The following GPHN variants were observed in gnomAD, a reference collection of about 807,000 sequenced individuals.
GPHN encodes gephyrin.
A neutral mutation model predicts 95.5 loss-of-function variants in GPHN; 17 were observed. That is an observed-to-expected ratio of 0.18 (90% CI 0.12 to 0.27). GPHN has a LOEUF of 0.27. GPHN is among the 10% of genes least tolerant of loss of function. GPHN has a pLI of 1.00. For missense variants in GPHN, 660 were observed against 978.1 expected (o/e 0.67, Z 4.34); for synonymous variants, 320 against 322.5 (o/e 0.99, Z 0.08).
At chr14:67,281,023 C>G in the GPHN span, among the ~76,000 whole-genome samples, 10 of 151,894 alleles carry the variant, frequency 6.6e-5, no homozygotes, top group Admixed American at 1.3e-4. Flanking sequence ...CTTAGCCTCC[C>G]GAGTGGCTGG....
the GPHN span, chr14:67,646,600 A>T: frequency 4.1e-6 from 6 of 1,476,498 alleles, no homozygotes; most frequent in African/African-American, 7.0e-5. Context: ...TCTTGGTGAG[A>T]ACAAGAATTC....
chr14:67,043,782 T>G (rs1482369723), intron 10 of GPHN, among the ~76,000 whole-genome samples: 1 of 152,202 alleles, frequency 6.6e-6, no homozygotes, highest in Non-Finnish European at 1.5e-5. Flanking sequence ...TTGTTTAGAA[T>G]AGTTTCAGAA....
At chr14:67,325,510 A>C in the GPHN span, among the ~76,000 whole-genome samples, 3 of 152,210 alleles carry the variant, frequency 2.0e-5, no homozygotes, top group Non-Finnish European at 4.4e-5. Context: ...TACAAAGGAA[A>C]TAGGCAGCAT....
the GPHN span, among the ~76,000 whole-genome samples, chr14:67,550,213 A>G: frequency 6.6e-6 from 1 of 151,596 alleles, no homozygotes; most frequent in East Asian, 1.9e-4. Flanking sequence ...TTTTGAGGCA[A>G]AGTCTCACTC....
the GPHN span, among the ~76,000 whole-genome samples, chr14:67,381,209 T>G: frequency 6.6e-6 from 1 of 152,196 alleles, no homozygotes; most frequent in Non-Finnish European, 1.5e-5. Flanking sequence ...AACCTTAACA[T>G]AAACCCGTCC....
At chr14:66,728,893 A>G (rs1020082693) in intron 2 of GPHN, among the ~76,000 whole-genome samples, 64 of 152,232 alleles carry the variant, frequency 4.2e-4, no homozygotes, top group African/African-American at 1.5e-3. Flanking sequence ...GTGGAATGAT[A>G]TGGTTTGGCT....
chr14:66,629,689 A>G (rs1423145757), intron 1 of GPHN, among the ~76,000 whole-genome samples: 3 of 152,170 alleles, frequency 2.0e-5, no homozygotes, highest in African/African-American at 7.2e-5. Flanking sequence ...CAGCATCACC[A>G]CAGTCATGTA....
At chr14:67,138,368 T>C (rs945500972) in intron 17 of GPHN, among the ~76,000 whole-genome samples, 1 of 152,200 alleles carries the variant, frequency 6.6e-6, no homozygotes, top group African/African-American at 2.4e-5. Context: ...GTTTTGTAGT[T>C]TTAGCCTCCT....
At chr14:66,671,222 TTC>T (rs1566793755) in intron 1 of GPHN, among the ~76,000 whole-genome samples, 1 of 152,346 alleles carries the variant, frequency 6.6e-6, no homozygotes, top group South Asian at 2.1e-4. Context: ...ATTTTTAGAA[TTC>T]TGTTAGGTTT....
intron 1 of GPHN, among the ~76,000 whole-genome samples, chr14:66,562,639 G>T (rs565372797): frequency 9.2e-5 from 14 of 152,248 alleles, no homozygotes; most frequent in South Asian, 4.1e-4. Flanking sequence ...AAGACAGGAC[G>T]AAGGAAAGGG....
At chr14:66,642,662 A>G (rs2064490194) in intron 1 of GPHN, among the ~76,000 whole-genome samples, 1 of 151,766 alleles carries the variant, frequency 6.6e-6, no homozygotes, top group Non-Finnish European at 1.5e-5. Context: ...TTGAGCTGCA[A>G]AGTTTGTTCT....
Position 67,018,010 on chromosome 14 carries a change from A to C in GPHN, c.964-5623A>C, listed in dbSNP as rs947709977. On this transcript the variant is annotated intron_variant, in intron 9 of 22. Coordinates refer to ENST00000478722, the MANE Select transcript of GPHN (RefSeq NM_020806.5). ...CTGTACAAAGCAGTGTATTTAATGT[A>C]GTGGGAAATAAAAAGAGGATAAAGT... is the stretch of plus-strand genomic sequence containing the variant. 2.6e-5 allele frequency among the ~76,000 whole-genome samples: 4 copies of C among 152,158 alleles called. 1 individual carries two copies. The highest frequency in any genetic ancestry group is 1.3e-4 in the Admixed American group (2 of 15,280).
chr14:66,554,184 C>A (rs1278733412), intron 1 of GPHN, among the ~76,000 whole-genome samples: 1 of 151,898 alleles, frequency 6.6e-6, no homozygotes, highest in African/African-American at 2.4e-5. Flanking sequence ...CTTATTTGTG[C>A]CAGGATGCAT....
At chr14:67,585,704 G>T in the GPHN span, 2 of 1,336,446 alleles carry the variant, frequency 1.5e-6, no homozygotes, top group Non-Finnish European at 2.1e-6. Context: ...CCTCAACATG[G>T]TCTTTTCTTC....
At chr14:67,019,385 A>C (rs2073482877) in intron 9 of GPHN, among the ~76,000 whole-genome samples, 1 of 152,176 alleles carries the variant, frequency 6.6e-6, no homozygotes, top group Non-Finnish European at 1.5e-5. Flanking sequence ...TGTCCTTCAA[A>C]GAAGATGACT....
chr14:67,450,993 G>A, the GPHN span, among the ~76,000 whole-genome samples: 1 of 152,214 alleles, frequency 6.6e-6, no homozygotes, highest in African/African-American at 2.4e-5. Context: ...GTGCAGCCTA[G>A]GGACTTGGTG....
intron 4 of GPHN, among the ~76,000 whole-genome samples, chr14:66,853,027 A>T (rs796818915): frequency 8.5e-5 from 13 of 152,352 alleles, no homozygotes; most frequent in African/African-American, 3.1e-4. Context: ...AATTGCTCTG[A>T]TATACCTCAG....
intron 11 of GPHN, among the ~76,000 whole-genome samples, chr14:67,082,671 C>T (rs988063056): frequency 6.6e-6 from 1 of 151,962 alleles, no homozygotes; most frequent in African/African-American, 2.4e-5. Context: ...AAAAAATGTC[C>T]TTGGGATTTT....
intron 3 of GPHN, among the ~76,000 whole-genome samples, chr14:66,791,037 T>C (rs1188955879): frequency 6.6e-6 from 1 of 152,214 alleles, no homozygotes; most frequent in Non-Finnish European, 1.5e-5. Flanking sequence ...CCCTCAATCT[T>C]AGGAAGAACT....
Sources: gnomAD v4.1 joint callset for allele counts (sites outside exome capture counted in the v4.1 genomes callset) on GRCh38, gnomAD v4.1.1 for gene constraint, MANE v1.5 for transcripts, NCBI Gene and HGNC (gene_info 2026-07-23, HGNC 2026-07-21) for gene names.